Variants in TMEM234 observed in about 807,000 individuals in gnomAD.
TMEM234 encodes transmembrane protein 234, also known as chromosome 1 open reading frame 91.
Under a neutral mutation model 17.8 loss-of-function variants are expected in TMEM234, and 21 were observed. The ratio of observed to expected loss-of-function variants is 1.18; its 90% confidence interval spans 0.84 to 1.70. The LOEUF (loss-of-function observed/expected upper bound fraction) is 1.70. Among genes scored for constraint, TMEM234 ranks in the 40% most tolerant of loss-of-function variants. The probability of loss-of-function intolerance (pLI) is 0.00; values close to 1 mark genes in which losing one functional copy is unlikely to be tolerated. For synonymous variants in TMEM234, 83 were observed against 73.5 expected, an observed-to-expected ratio of 1.13 and a Z score of -0.66; for missense variants, 137 against 166.9, an observed-to-expected ratio of 0.82 and a Z score of 0.99.
chr1:32,221,297 G>A, intron 2 of TMEM234, 100 bp from the exon 3 acceptor site: 1 of 903,092 alleles, frequency 1.1e-6, no homozygotes, highest in Non-Finnish European at 1.8e-6. Context: ...GGGAGGCAGG[G>A]TTATAAGGAC....
chr1:32,215,982 C>A (rs953753175), downstream of TMEM234: 2 of 1,155,554 alleles, frequency 1.7e-6, no homozygotes, highest in Non-Finnish European at 2.5e-6. Flanking sequence ...TCCTCAGGAG[C>A]CAGCACCTCC....
chr1:32,222,125 G>A (rs1638978919), intron 1 of TMEM234, 107 bp from the exon 2 acceptor site: 4 of 1,502,742 alleles, frequency 2.7e-6, no homozygotes, highest in East Asian at 4.6e-5. Context: ...TCCCTCCTTC[G>A]CTCTCTTCGC....
At position 32,216,804 on chromosome 1, in the gene TMEM234, G is replaced by A; in HGVS notation, c.*49C>T. ...ATCCGCTCACTGCCAGCACTTCATGGCCCAGGGGCTTCCTGGAGGCAGCAG... is the reference window on the plus strand; with the variant it reads ...ATCCGCTCACTGCCAGCACTTCATGACCCAGGGGCTTCCTGGAGGCAGCAG... On this transcript the variant is annotated 3_prime_UTR_variant, in exon 5 of 5. Coordinates refer to ENST00000309777, the MANE Select transcript of TMEM234 (RefSeq NM_019118.5). The A allele has an allele frequency of 6.2e-7, 1 of 1,606,390 alleles. No homozygotes were observed. The highest frequency in any genetic ancestry group is 8.5e-7 in the Non-Finnish European group (1 of 1,176,260).
chr1:32,215,566 A>G (rs1389218894), downstream of TMEM234: 2 of 1,607,664 alleles, frequency 1.2e-6, no homozygotes, highest in East Asian at 4.5e-5. Context: ...ATCAGGAAAC[A>G]GTATGTTGGG....
At chr1:32,214,959 T>G, downstream of TMEM234, 1 of 1,613,364 alleles carries the variant, frequency 6.2e-7, no homozygotes, top group South Asian at 1.1e-5. Flanking sequence ...GCTCAGGCCC[T>G]TCTCAGCTGC....
At chr1:32,215,446 T>C (rs1174072827), downstream of TMEM234, 14 of 1,611,564 alleles carry the variant, frequency 8.7e-6, 1 homozygote, top group East Asian at 6.7e-5. Context: ...TTAGGAGTTA[T>C]AGGAGTATAT....
chr1:32,216,199 G>A, downstream of TMEM234: 1 of 908,580 alleles, frequency 1.1e-6, no homozygotes, highest in Non-Finnish European at 1.6e-6. Flanking sequence ...CTAACCTCTT[G>A]TCTGTTTACC....
downstream of TMEM234, chr1:32,215,904 G>C: frequency 6.5e-7 from 1 of 1,550,150 alleles, no homozygotes; most frequent in South Asian, 1.2e-5. Flanking sequence ...TTGAGAGCCA[G>C]CAGCTCCAGA....
rs61781203 is a variant in TMEM234 at position 32,221,921 on chromosome 1, C to A, written c.114G>T (p.Pro38=). The change falls in exon 2 of 5, where the codon CCG becomes CCT. Residue 38 remains proline (P), a synonymous_variant. Coordinates refer to ENST00000309777, the MANE Select transcript of TMEM234 (RefSeq NM_019118.5). ...ASAGLQRVHE[P]TWAQQLLQEM... is the part of the protein sequence containing the mutation. The stretch of plus-strand genomic sequence containing the variant: ...CCTGTAGCAACTGCTGGGCCCAGGT[C>A]GGCTCATGAACCCGCTGCAGGCCGG... 1.2e-6 allele frequency: 2 copies of A among 1,613,342 alleles called. No individual in the cohort carries two copies. Among genetic ancestry groups the A allele is most frequent in the East Asian group, 2.2e-5 (1 of 44,880 alleles).
At chr1:32,217,372 G>C (rs1183061775) in intron 3 of TMEM234, 21 bp from the exon 4 acceptor site, 1 of 1,596,990 alleles carries the variant, frequency 6.3e-7, no homozygotes, top group East Asian at 2.2e-5. Context: ...AGAATGAAAA[G>C]AATGCCTGAG....
At chr1:32,215,491 C>G (rs564374739), downstream of TMEM234, 32 of 1,613,630 alleles carry the variant, frequency 2.0e-5, no homozygotes, top group East Asian at 2.7e-4. Context: ...ACAGCGGGGG[C>G]CCTGGAAGTA....
intron 2 of TMEM234, 36 bp downstream of exon 2, chr1:32,221,831 A>G: frequency 6.4e-7 from 1 of 1,571,666 alleles, no homozygotes; most frequent in Non-Finnish European, 8.6e-7. Flanking sequence ...CTTGGCGGCA[A>G]CTCCACCGAG....
intron 3 of TMEM234, among the ~76,000 whole-genome samples, chr1:32,218,767 G>A (rs771304656): frequency 8.6e-5 from 13 of 151,996 alleles, no homozygotes; most frequent in Non-Finnish European, 1.6e-4. Context: ...GTGAAACCCC[G>A]TCTCTACTAA....
Position 32,216,865 on chromosome 1 carries a change from C to CTGT in TMEM234, c.408_410dup (p.Gln137dup). The stretch of plus-strand genomic sequence containing the variant: ...GGGTTCGGCCCACTCAAAGGGTAGA[C>CTGT]TGTTGCCCCTGGGTCTTACTCACTG... On this transcript the variant is annotated inframe_insertion, in exon 5 of 5. Transcript: ENST00000309777. 6.2e-7 allele frequency: 1 copy of CTGT among 1,614,182 alleles called. No individual in the cohort carries two copies. The highest frequency in any genetic ancestry group is 8.5e-7 in the Non-Finnish European group (1 of 1,180,042).
At chr1:32,221,337 TCC>T in intron 2 of TMEM234, 140 bp from the exon 3 acceptor site, 1 of 681,710 alleles carries the variant, frequency 1.5e-6, no homozygotes, top group African/African-American at 1.8e-5. Flanking sequence ...CTAAGGAGGA[TCC>T]TTCCAGGGCA....
chr1:32,222,235 T>C, intron 1 of TMEM234, 72 bp downstream of exon 1: 1 of 1,522,172 alleles, frequency 6.6e-7, no homozygotes, highest in African/African-American at 1.4e-5. Flanking sequence ...GGTTAGAGGG[T>C]GGATGTGGAG....
intron 3 of TMEM234, 101 bp from the exon 4 acceptor site, chr1:32,217,452 CA>C: frequency 6.4e-7 from 1 of 1,568,934 alleles, no homozygotes; most frequent in South Asian, 1.2e-5. Flanking sequence ...AAAAAGGTAT[CA>C]AAACCCCATC....
intron 3 of TMEM234, among the ~76,000 whole-genome samples, chr1:32,219,729 C>A (rs930279810): frequency 1.3e-5 from 2 of 152,112 alleles, no homozygotes; most frequent in East Asian, 3.8e-4. Context: ...CTGCTAAGGT[C>A]TGGTTTGCAA....
chr1:32,215,643 T>C (rs1235594263), downstream of TMEM234: 1 of 1,206,130 alleles, frequency 8.3e-7, no homozygotes, highest in East Asian at 2.5e-5. Flanking sequence ...TCCCTTGTGA[T>C]TGAAAGTAAA....
Sources: allele counts gnomAD v4.1 joint callset (sites outside exome capture counted in the v4.1 genomes callset), GRCh38; gene constraint gnomAD v4.1.1; transcripts MANE v1.5; gene names NCBI Gene and HGNC (gene_info 2026-07-23, HGNC 2026-07-21).